Variants in PCDHGB5 observed in about 807,000 individuals in gnomAD.
PCDHGB5 encodes the protein protocadherin gamma subfamily B, 5.
A neutral mutation model predicts 62.9 loss-of-function variants in PCDHGB5; 48 were observed. The ratio of observed to expected loss-of-function variants is 0.76; its 90% CI spans 0.61 to 0.97. The LOEUF (loss-of-function observed/expected upper bound fraction) is 0.97, where lower values mean the gene tolerates loss of function less well. Among genes scored for constraint, PCDHGB5 ranks in the 50% least tolerant of loss-of-function variants. The probability of loss-of-function intolerance (pLI) is 0.00; values close to 1 mark genes in which losing one functional copy is unlikely to be tolerated. For missense variants in PCDHGB5, 1,118 were observed against 1,198.6 expected, an observed-to-expected ratio of 0.93 and a Z score of 0.99; for synonymous variants, 474 against 511.2, an observed-to-expected ratio of 0.93 and a Z score of 0.98.
Position 141,432,485 on chromosome 5 carries a change from G to C in PCDHGB5, c.2397+31961G>C. 6.2e-7 allele frequency: 1 copy of C among 1,614,186 alleles called. No individual in the cohort carries two copies. The highest frequency in any genetic ancestry group is 8.5e-7 in the Non-Finnish European group (1 of 1,180,040). On this transcript the variant is annotated intron_variant, in intron 1 of 3. Coordinates refer to ENST00000617380, the MANE Select transcript of PCDHGB5 (RefSeq NM_018925.3). The surrounding 1 kb of genome is among the most constrained non-coding windows in gnomAD (Gnocchi z 6.0). ...CCCCACGGACGGTTCCACTGGCGTG[G>C]AGCTGGCTCCCCGCTCCGCAGAGCC...
At chr5:141,455,506 G>T (rs1307993951) in intron 1 of PCDHGB5, among the ~76,000 whole-genome samples, 1 of 152,152 alleles carries the variant, frequency 6.6e-6, no homozygotes, top group African/African-American at 2.4e-5. Flanking sequence ...ATTTGCATAG[G>T]GCTCAGGGGA....
intron 1 of PCDHGB5, chr5:141,422,908 C>T (rs1340882515): frequency 2.5e-6 from 4 of 1,614,126 alleles, no homozygotes; most frequent in Non-Finnish European, 3.4e-6. Context: ...CGACAATGCG[C>T]CCGAGATCCT....
At position 141,423,166 on chromosome 5, in the gene PCDHGB5, G is replaced by A. The variant is rs367805855; in HGVS notation, c.2397+22642G>A. ...GCTCAAGCAGAGCCTCGTGGTGGCC[G>A]TCCAGGACCACGGCCAGCCCCCTCT... On this transcript the variant is annotated intron_variant, in intron 1 of 3. Transcript: ENST00000617380. 2.4e-5 allele frequency: 38 copies of A among 1,613,476 alleles called. No individual in the cohort carries two copies. The South Asian group carries it at 2.5e-4, about 11-fold the overall frequency.
chr5:141,409,155 A>T, intron 1 of PCDHGB5: 1 of 1,614,036 alleles, frequency 6.2e-7, no homozygotes, highest in Non-Finnish European at 8.5e-7. Context: ...TACACCATGG[A>T]AGTGGAAGCG....
rs914637211 is a variant in PCDHGB5, at chr5:141,422,245, G to C, written c.2397+21721G>C. The C allele has an allele frequency of 2.2e-5, 34 of 1,566,540 alleles. No individual in the cohort carries two copies. Among genetic ancestry groups the C allele is most frequent in the Non-Finnish European group, 2.8e-5 (32 of 1,162,588 alleles). On this transcript the variant is annotated intron_variant, in intron 1 of 3. Coordinates refer to ENST00000617380, the MANE Select transcript of PCDHGB5 (RefSeq NM_018925.3). ...CACGACGATGTTGATCACTGTTGTG[G>C]ATGTGAATGATAACGCTCCAGAAAT...
In PCDHGB5 at chr5:141,486,657, T is replaced by G. The variant is rs1171065175; in HGVS notation, c.2398-8150T>G. On this transcript the variant is annotated intron_variant, in intron 1 of 3. Transcript: ENST00000617380. The surrounding 1 kb of genome is among the most constrained non-coding windows in gnomAD (Gnocchi z 5.0). ...AATGCGCTTATCTCCTACTCACTCC[T>G]GGAGCCCAGGAATCGAGATGTATCA... 3 of 1,614,010 alleles carry G rather than the reference T, an allele frequency of 1.9e-6. No homozygotes were observed. Among genetic ancestry groups the G allele is most frequent in the Non-Finnish European group, 2.5e-6 (3 of 1,180,030 alleles).
chr5:141,486,175 C>T lies in PCDHGB5; in HGVS notation c.2398-8632C>T. ...GTTCTCCAGCCATGGAGCAACATTG[C>T]AGCCTTCGAGTGGATCTGCTGGACG... On this transcript the variant is annotated intron_variant, in intron 1 of 3. Transcript: ENST00000617380. The surrounding 1 kb of genome is among the most constrained non-coding windows in gnomAD (Gnocchi z 5.0). 1 of 1,614,210 alleles carries T rather than the reference C, an allele frequency of 6.2e-7. No individual in the cohort carries two copies.
intron 1 of PCDHGB5, among the ~76,000 whole-genome samples, chr5:141,457,477 C>A (rs964080100): frequency 2.0e-5 from 3 of 152,134 alleles, no homozygotes; most frequent in African/African-American, 7.2e-5. Context: ...TAAGCAGGGC[C>A]AGGGTTAGTC....
At chr5:141,460,341 C>T (rs557699438) in intron 1 of PCDHGB5, among the ~76,000 whole-genome samples, 39 of 152,110 alleles carry the variant, frequency 2.6e-4, no homozygotes, top group Admixed American at 2.4e-3. Flanking sequence ...ATGATTTTCT[C>T]CTATATTTTC....
At chr5:141,449,500 A>G (rs1034917703) in intron 1 of PCDHGB5, among the ~76,000 whole-genome samples, 6 of 151,300 alleles carry the variant, frequency 4.0e-5, no homozygotes, top group African/African-American at 1.5e-4. Flanking sequence ...GAGGCATGAG[A>G]AATGCTTGAA....
At chr5:141,452,635 T>C (rs1426970634) in intron 1 of PCDHGB5, among the ~76,000 whole-genome samples, 1 of 152,086 alleles carries the variant, frequency 6.6e-6, no homozygotes, top group Non-Finnish European at 1.5e-5. Context: ...GCTATGAATA[T>C]ATTTACTCAT....
chr5:141,417,414 A>G (rs1255289735), intron 1 of PCDHGB5: 1 of 157,986 alleles, frequency 6.3e-6, no homozygotes, highest in Non-Finnish European at 1.4e-5. Flanking sequence ...TTCAAGATAT[A>G]TGTAAATTCA....
chr5:141,485,259 G>C lies in PCDHGB5; in HGVS notation c.2398-9548G>C. ...TTTTACCACCTGGGTTACGTTTGTGGGCAGATCCGCTACCCGGTCCCAGAG... is the reference window on the plus strand; with the variant it reads ...TTTTACCACCTGGGTTACGTTTGTGCGCAGATCCGCTACCCGGTCCCAGAG... On this transcript the variant is annotated intron_variant, in intron 1 of 3. Coordinates refer to ENST00000617380, the MANE Select transcript of PCDHGB5 (RefSeq NM_018925.3). The surrounding 1 kb of genome is among the most constrained non-coding windows in gnomAD (Gnocchi z 5.7). 1.2e-6 allele frequency: 2 copies of C among 1,614,136 alleles called. No homozygotes were observed. The highest frequency in any genetic ancestry group is 1.7e-6 in the Non-Finnish European group (2 of 1,180,002).
intron 1 of PCDHGB5, chr5:141,479,521 T>C (rs4912607): frequency 0.2 from 30,680 of 152,154 alleles, 3,215 homozygotes; most frequent in Admixed American, 0.29. Flanking sequence ...CTGGCCCAGG[T>C]TGGAAGTGGA....
rs753872725 is a variant in PCDHGB5, at chr5:141,423,153, C to T, written c.2397+22629C>T. ...TGGACAGAGACGCGCTCAAGCAGAG[C>T]CTCGTGGTGGCCGTCCAGGACCACG... On this transcript the variant is annotated intron_variant, in intron 1 of 3. Transcript: ENST00000617380. The T allele has an allele frequency of 3.7e-6, 6 of 1,613,482 alleles. No homozygotes were observed. The East Asian group carries it at 8.9e-5, about 24-fold the overall frequency.
chr5:141,400,559 C>T (rs2150864766), intron 1 of PCDHGB5, 35 bp downstream of exon 1: 2 of 1,613,274 alleles, frequency 1.2e-6, no homozygotes, highest in Non-Finnish European at 1.7e-6. Flanking sequence ...TTTTCATTAC[C>T]CACCCAATTT....
chr5:141,455,577 C>T (rs1000865176), intron 1 of PCDHGB5, among the ~76,000 whole-genome samples: 3 of 152,120 alleles, frequency 2.0e-5, no homozygotes, highest in East Asian at 1.9e-4. Context: ...CCCACCCCAG[C>T]CTTTTAATAT....
Position 141,432,599 on chromosome 5 carries a change from C to T in PCDHGB5, c.2397+32075C>T. 2.5e-6 allele frequency: 4 copies of T among 1,613,908 alleles called. No individual in the cohort carries two copies. The highest frequency in any genetic ancestry group is 2.7e-5 in the African/African-American group (2 of 75,052). On this transcript the variant is annotated intron_variant, in intron 1 of 3. Coordinates refer to ENST00000617380, the MANE Select transcript of PCDHGB5 (RefSeq NM_018925.3). The surrounding 1 kb of genome is among the most constrained non-coding windows in gnomAD (Gnocchi z 6.0). Reference sequence around the variant, plus strand: ...CTACCGTCTGCTCAAGGCCAGCGAGCCGGGACTCTTCTCGGTGGGTCTGCA... The same window carrying T: ...CTACCGTCTGCTCAAGGCCAGCGAGTCGGGACTCTTCTCGGTGGGTCTGCA...
chr5:141,481,901 G>A (rs1297925755), intron 1 of PCDHGB5, among the ~76,000 whole-genome samples: 2 of 125,298 alleles, frequency 1.6e-5, no homozygotes, highest in Non-Finnish European at 3.2e-5. Context: ...GTGAAAGAGC[G>A]AAACTCCATC....
Sources: gnomAD v4.1 joint callset for allele counts (sites outside exome capture counted in the v4.1 genomes callset) on GRCh38, gnomAD v4.1.1 for gene constraint, Gnocchi (gnomAD v3.1) non-coding constraint, MANE v1.5 for transcripts, NCBI Gene and HGNC (gene_info 2026-07-23, HGNC 2026-07-21) for gene names.